Variants in FOXP2 observed in about 807,000 individuals in gnomAD.
FOXP2 encodes the protein forkhead box protein P2.
A neutral mutation model predicts 115.8 loss-of-function variants in FOXP2; 12 were observed. The observed-to-expected ratio is 0.10, with a 90% CI of 0.07 to 0.17. The LOEUF is 0.17. Among genes scored for constraint, FOXP2 ranks in the 10% least tolerant of loss-of-function variants. The probability of loss-of-function intolerance (pLI) is 1.00; values close to 1 mark genes in which losing one functional copy is unlikely to be tolerated. For missense variants in FOXP2, 629 were observed against 843.5 expected (o/e 0.75, Z 3.15); for synonymous variants, 328 against 297.7 (o/e 1.10, Z -1.05).
chr7:114,116,451 G>A (rs1791410567), intron 1 of FOXP2, among the ~76,000 whole-genome samples: 1 of 152,146 alleles, frequency 6.6e-6, no homozygotes, highest in Admixed American at 6.6e-5. Flanking sequence ...AGGGAAAGAA[G>A]TTCAAGAAGA....
intron 2 of FOXP2, among the ~76,000 whole-genome samples, chr7:114,407,528 A>G (rs963655150): frequency 6.6e-6 from 1 of 152,122 alleles, no homozygotes; most frequent in Admixed American, 6.6e-5. Flanking sequence ...CAGAAAAGGG[A>G]CAAGAAAAAT....
chr7:114,308,943 G>T (rs1797078794), intron 2 of FOXP2, among the ~76,000 whole-genome samples: 1 of 152,134 alleles, frequency 6.6e-6, no homozygotes, highest in Non-Finnish European at 1.5e-5. Flanking sequence ...ATTTGCCAGG[G>T]GCAGGTGGAG....
chr7:114,234,806 C>T (rs1173384326), intron 1 of FOXP2, among the ~76,000 whole-genome samples: 2 of 152,118 alleles, frequency 1.3e-5, no homozygotes. Context: ...TTTTTCAGCT[C>T]CTTGACCTCT....
chr7:114,655,874 G>A (rs1053464343), intron 10 of FOXP2, among the ~76,000 whole-genome samples: 1 of 152,054 alleles, frequency 6.6e-6, no homozygotes, highest in East Asian at 1.9e-4. Context: ...GGTACCTTTT[G>A]GCCATGCTAT....
chr7:114,247,383 A>T (rs1051537620), intron 1 of FOXP2, among the ~76,000 whole-genome samples: 4 of 151,622 alleles, frequency 2.6e-5, no homozygotes, highest in Non-Finnish European at 4.4e-5. Context: ...GTTAATCATC[A>T]TCTTTTGTAC....
At chr7:114,229,090 C>T (rs1163091662) in intron 1 of FOXP2, among the ~76,000 whole-genome samples, 3 of 150,962 alleles carry the variant, frequency 2.0e-5, no homozygotes, top group Non-Finnish European at 3.0e-5. Context: ...AAAGAGACAG[C>T]AAAGGTAGAT....
intron 2 of FOXP2, among the ~76,000 whole-genome samples, chr7:114,437,628 G>T (rs1376663149): frequency 6.6e-6 from 1 of 152,130 alleles, no homozygotes; most frequent in Non-Finnish European, 1.5e-5. Context: ...AAAATTAACT[G>T]TAAGAATTAT....
intron 3 of FOXP2, among the ~76,000 whole-genome samples, chr7:114,617,770 G>A (rs1804029993): frequency 6.6e-6 from 1 of 152,220 alleles, no homozygotes; most frequent in South Asian, 2.1e-4. Flanking sequence ...TCCAGCCTGG[G>A]CAACAGAGCC....
chr7:114,117,062 G>T (rs1052125703), intron 1 of FOXP2, among the ~76,000 whole-genome samples: 1 of 152,036 alleles, frequency 6.6e-6, no homozygotes, highest in Non-Finnish European at 1.5e-5. Context: ...AGCTTGGCAG[G>T]TGAAAATAAT....
intron 2 of FOXP2, among the ~76,000 whole-genome samples, chr7:114,478,796 G>A (rs889498381): frequency 2.0e-5 from 3 of 151,544 alleles, no homozygotes; most frequent in African/African-American, 7.3e-5. Flanking sequence ...ACAACACCAC[G>A]TTTAGCATGA....
At chr7:114,639,020 A>G (rs960010209) in intron 6 of FOXP2, among the ~76,000 whole-genome samples, 1 of 152,182 alleles carries the variant, frequency 6.6e-6, no homozygotes. Flanking sequence ...TTTTCAGTAC[A>G]AATGAATAGT....
intron 10 of FOXP2, among the ~76,000 whole-genome samples, chr7:114,656,204 A>T (rs1806578484): frequency 6.6e-6 from 1 of 152,110 alleles, no homozygotes; most frequent in Non-Finnish European, 1.5e-5. Context: ...TCACATATTC[A>T]TCAGGATAGA....
chr7:114,120,716 G>A (rs929945670), intron 1 of FOXP2, among the ~76,000 whole-genome samples: 67 of 151,618 alleles, frequency 4.4e-4, no homozygotes, highest in Non-Finnish European at 5.2e-4. Context: ...GTGTGTGTGT[G>A]TATATATATG....
At chr7:114,149,333 G>C (rs1792468437) in intron 1 of FOXP2, among the ~76,000 whole-genome samples, 1 of 151,822 alleles carries the variant, frequency 6.6e-6, no homozygotes, top group African/African-American at 2.4e-5. Flanking sequence ...TCCATCATTT[G>C]ACATAATTAT....
chr7:114,091,251 T>A, intron 1 of FOXP2, among the ~76,000 whole-genome samples: 1 of 151,846 alleles, frequency 6.6e-6, no homozygotes, highest in Non-Finnish European at 1.5e-5. Context: ...AGAAATAGTA[T>A]GACCTAATGA....
chr7:114,188,223 A>G (rs1211227537), intron 1 of FOXP2, among the ~76,000 whole-genome samples: 1 of 152,186 alleles, frequency 6.6e-6, no homozygotes, highest in Non-Finnish European at 1.5e-5. Context: ...CTTTACTTGT[A>G]TTTGGAATAA....
At chr7:114,189,636 A>G (rs140339702) in intron 1 of FOXP2, among the ~76,000 whole-genome samples, 1 of 152,314 alleles carries the variant, frequency 6.6e-6, no homozygotes, top group East Asian at 1.9e-4. Flanking sequence ...GACTTATAAA[A>G]ATGAGAAACA....
At chr7:114,209,497 G>A (rs1362815699) in intron 1 of FOXP2, among the ~76,000 whole-genome samples, 1 of 152,078 alleles carries the variant, frequency 6.6e-6, no homozygotes, top group Admixed American at 6.5e-5. Context: ...TAGCTTGTAG[G>A]GTTTCTATTG....
At chr7:114,379,714 T>C (rs558632545) in intron 2 of FOXP2, among the ~76,000 whole-genome samples, 4 of 152,270 alleles carry the variant, frequency 2.6e-5, no homozygotes, top group East Asian at 1.9e-4. Flanking sequence ...GGGATTGAAA[T>C]GTATGGCCTG....
Sources: gnomAD v4.1 joint callset for allele counts (sites outside exome capture counted in the v4.1 genomes callset) on GRCh38, gnomAD v4.1.1 for gene constraint, MANE v1.5 for transcripts, NCBI Gene and HGNC (gene_info 2026-07-23, HGNC 2026-07-21) for gene names.